CDH13: variants seen among roughly 807,000 people sequenced by gnomAD.
CDH13 encodes cadherin 13.
CDH13 carries 24 observed loss-of-function variants against 63.8 expected under a neutral mutation model. The ratio of observed to expected loss-of-function variants is 0.38; its 90% CI spans 0.27 to 0.53. The LOEUF (loss-of-function observed/expected upper bound fraction) is 0.53. Ranked by LOEUF, CDH13 falls within the 20% of genes least tolerant of loss-of-function variation. The pLI, the probability that CDH13 is intolerant of heterozygous loss-of-function variation, is 0.85. For synonymous variants in CDH13, 503 were observed against 355.3 expected (o/e 1.42, Z -4.67); for missense variants, 1,049 against 903.1 (o/e 1.16, Z -2.07).
intron 4 of CDH13, among the ~76,000 whole-genome samples, chr16:83,156,635 G>A (rs1000778192): frequency 6.6e-6 from 1 of 152,154 alleles, no homozygotes. Flanking sequence ...GCCCCTAATA[G>A]GACTACATCA....
At chr16:83,561,947 T>C (rs2075716298) in intron 7 of CDH13, among the ~76,000 whole-genome samples, 2 of 152,134 alleles carry the variant, frequency 1.3e-5, no homozygotes, top group African/African-American at 4.8e-5. Flanking sequence ...ATAAAAATGG[T>C]TAGAGTCACA....
intron 6 of CDH13, among the ~76,000 whole-genome samples, chr16:83,452,073 C>T (rs1335738363): frequency 5.3e-5 from 8 of 152,124 alleles, no homozygotes; most frequent in African/African-American, 1.2e-4. Context: ...TAATGTCACA[C>T]GCACTCCCCA....
chr16:82,734,197 T>C (rs1232505249), intron 1 of CDH13, among the ~76,000 whole-genome samples: 4 of 152,240 alleles, frequency 2.6e-5, no homozygotes, highest in South Asian at 2.1e-4. Context: ...TAAAGTTCCA[T>C]TGGATCTCAG....
chr16:83,383,162 A>G (rs1343340025), intron 6 of CDH13: 3 of 152,176 alleles, frequency 2.0e-5, no homozygotes, highest in African/African-American at 7.2e-5. Flanking sequence ...AACGTGGTCC[A>G]TCTGATGTTT....
At chr16:83,569,815 C>T (rs1904407410) in intron 7 of CDH13, among the ~76,000 whole-genome samples, 1 of 152,212 alleles carries the variant, frequency 6.6e-6, no homozygotes, top group African/African-American at 2.4e-5. Context: ...CCGCTCACTG[C>T]AACCTCTGCC....
intron 6 of CDH13, among the ~76,000 whole-genome samples, chr16:83,357,145 G>A (rs192078737): frequency 5.1e-4 from 77 of 152,142 alleles, no homozygotes; most frequent in African/African-American, 1.5e-3. Flanking sequence ...GGAGGACCTC[G>A]CTGGCCTGTT....
At chr16:82,841,416 C>T (rs531719059) in intron 1 of CDH13, among the ~76,000 whole-genome samples, 24 of 152,290 alleles carry the variant, frequency 1.6e-4, no homozygotes, top group African/African-American at 5.3e-4. Flanking sequence ...TATAGACAAA[C>T]TTTCAAGGTC....
At position 83,210,328 on chromosome 16, in the gene CDH13, G is replaced by A. The variant is rs1484801113; in HGVS notation, c.484-7017G>A. On this transcript the variant is annotated intron_variant, in intron 4 of 13. Coordinates refer to ENST00000567109, the MANE Select transcript of CDH13 (RefSeq NM_001257.5). ...GATCCACCTTCCTCAACCTCCCAAA[G>A]TGCTGGGATTATGAGCATGAGCCAC... Among the ~76,000 whole-genome samples the A allele has an allele frequency of 2.0e-5, 3 of 151,988 alleles. No individual in the cohort carries two copies. The East Asian group carries it at 5.8e-4, about 29-fold the overall frequency.
intron 6 of CDH13, among the ~76,000 whole-genome samples, chr16:83,391,436 C>T (rs189792628): frequency 1.3e-4 from 20 of 152,144 alleles, no homozygotes; most frequent in African/African-American, 4.6e-4. Flanking sequence ...GAACTCCCGA[C>T]CTCGTGATCC....
intron 6 of CDH13, among the ~76,000 whole-genome samples, chr16:83,356,713 G>A (rs1597822063): frequency 6.6e-6 from 1 of 152,168 alleles, no homozygotes; most frequent in African/African-American, 2.4e-5. Flanking sequence ...AAGAGATTCA[G>A]TATGCTAAGT....
At chr16:83,121,042 G>A (rs891482377) in intron 3 of CDH13, among the ~76,000 whole-genome samples, 9 of 152,098 alleles carry the variant, frequency 5.9e-5, no homozygotes, top group Non-Finnish European at 1.2e-4. Context: ...GATTACAGGC[G>A]TGATCCGCTG....
At chr16:83,269,418 C>T (rs975227412) in intron 5 of CDH13, among the ~76,000 whole-genome samples, 1 of 152,028 alleles carries the variant, frequency 6.6e-6, no homozygotes, top group African/African-American at 2.4e-5. Context: ...ATTATCTAAA[C>T]TATCCCACAT....
chr16:83,497,767 G>A (rs141979910), intron 7 of CDH13, among the ~76,000 whole-genome samples: 2 of 152,192 alleles, frequency 1.3e-5, no homozygotes, highest in African/African-American at 2.4e-5. Flanking sequence ...GCCAGCACTG[G>A]TCTATTAGAT....
chr16:83,088,825 C>G (rs35135375), intron 3 of CDH13, among the ~76,000 whole-genome samples: 5,148 of 152,172 alleles, frequency 0.034, 285 homozygotes, highest in African/African-American at 0.12. Flanking sequence ...TTAATAAATA[C>G]TAATATGTAT....
At chr16:82,876,991 A>G (rs1471340670) in intron 2 of CDH13, among the ~76,000 whole-genome samples, 1 of 152,216 alleles carries the variant, frequency 6.6e-6, no homozygotes, top group East Asian at 1.9e-4. Context: ...TACAGTAAAT[A>G]CAACTTCTCA....
At chr16:83,739,115 C>G (rs1295091306) in intron 10 of CDH13, among the ~76,000 whole-genome samples, 10 of 152,104 alleles carry the variant, frequency 6.6e-5, no homozygotes, top group African/African-American at 2.4e-4. Context: ...GGGAGGGCTC[C>G]CACTCTCTTA....
intron 10 of CDH13, among the ~76,000 whole-genome samples, chr16:83,719,115 T>C (rs1389367135): frequency 6.6e-6 from 1 of 152,178 alleles, no homozygotes; most frequent in African/African-American, 2.4e-5. Context: ...CATTCATCTC[T>C]TGGGGGCTTC....
intron 5 of CDH13, among the ~76,000 whole-genome samples, chr16:83,323,688 A>G (rs2090292457): frequency 6.6e-6 from 1 of 152,228 alleles, no homozygotes; most frequent in South Asian, 2.1e-4. Context: ...ACCTGTCTGA[A>G]TAAGCAGTTT....
intron 3 of CDH13, among the ~76,000 whole-genome samples, chr16:83,040,408 G>T (rs1161498670): frequency 6.6e-6 from 1 of 152,172 alleles, no homozygotes; most frequent in Admixed American, 6.5e-5. Flanking sequence ...AACCTCAAAA[G>T]TAGGGAAGGT....
Sources: allele counts gnomAD v4.1 joint callset (sites outside exome capture counted in the v4.1 genomes callset), GRCh38; gene constraint gnomAD v4.1.1; transcripts MANE v1.5; gene names NCBI Gene and HGNC (gene_info 2026-07-23, HGNC 2026-07-21).